Variants in RANBP9 observed in about 807,000 individuals in gnomAD.
RANBP9 encodes RAN binding protein 9.
A neutral mutation model predicts 84.3 loss-of-function variants in RANBP9; 15 were observed. The observed-to-expected ratio is 0.18, with a 90% CI of 0.12 to 0.27. The LOEUF (loss-of-function observed/expected upper bound fraction) is 0.27. Ranked by LOEUF, RANBP9 falls within the 10% of genes least tolerant of loss-of-function variation. RANBP9 has a pLI of 1.00. For synonymous variants in RANBP9, 392 were observed against 349.6 expected (o/e 1.12, Z -1.35); for missense variants, 809 against 912.8 (o/e 0.89, Z 1.46).
chr6:13,677,082 G>A (rs1221805160), intron 2 of RANBP9, among the ~76,000 whole-genome samples: 1 of 152,100 alleles, frequency 6.6e-6, no homozygotes, highest in African/African-American at 2.4e-5. Flanking sequence ...TACTTTTGTA[G>A]CTGAAAAGAT....
intron 10 of RANBP9, among the ~76,000 whole-genome samples, chr6:13,635,868 C>T (rs1764925551): frequency 6.6e-6 from 1 of 150,636 alleles, no homozygotes; most frequent in Non-Finnish European, 1.5e-5. Context: ...TCATTTAACA[C>T]ACATTTAAGA....
At chr6:13,705,603 T>C (rs1382789382) in intron 1 of RANBP9, among the ~76,000 whole-genome samples, 1 of 151,932 alleles carries the variant, frequency 6.6e-6, no homozygotes, top group Non-Finnish European at 1.5e-5. Context: ...GGCTCACGCC[T>C]GTAATCCCAG....
At chr6:13,708,533 C>T (rs1758184844) in intron 1 of RANBP9, among the ~76,000 whole-genome samples, 1 of 152,136 alleles carries the variant, frequency 6.6e-6, no homozygotes, top group South Asian at 2.1e-4. Context: ...TCTCGTCACT[C>T]TGGAAAATAA....
rs964154894 is a variant in RANBP9 at position 13,704,382 on chromosome 6, C to T, written c.571+6553G>A. 3.9e-5 allele frequency among the ~76,000 whole-genome samples: 6 copies of T among 152,262 alleles called. No homozygotes were observed. The East Asian group carries it at 1.2e-3, about 29-fold the overall frequency. ...GTGGCTCCTGCCTGTAATCCTAGCACTTTGGGAGGCTAAGGCAGGCAGATG... is the reference window on the plus strand; with the variant it reads ...GTGGCTCCTGCCTGTAATCCTAGCATTTTGGGAGGCTAAGGCAGGCAGATG... On this transcript the variant is annotated intron_variant, in intron 1 of 13. Transcript: ENST00000011619.
intron 8 of RANBP9, 22 bp from the exon 9 acceptor site, chr6:13,639,775 T>A: frequency 6.4e-7 from 1 of 1,570,578 alleles, no homozygotes; most frequent in Non-Finnish European, 8.7e-7. Context: ...AAGAAAAATT[T>A]ACTTAGACAC....
At chr6:13,707,159 G>C (rs1365927851) in intron 1 of RANBP9, among the ~76,000 whole-genome samples, 1 of 152,046 alleles carries the variant, frequency 6.6e-6, no homozygotes, top group East Asian at 1.9e-4. Flanking sequence ...AAGTGGCTGG[G>C]ATTTCAAGTG....
chr6:13,686,323 T>C (rs1239599845), intron 2 of RANBP9, among the ~76,000 whole-genome samples: 1 of 151,974 alleles, frequency 6.6e-6, no homozygotes, highest in Non-Finnish European at 1.5e-5. Flanking sequence ...TCTGGCTCTG[T>C]TGCCCAAGCT....
At chr6:13,682,157 T>C (rs1010780453) in intron 2 of RANBP9, among the ~76,000 whole-genome samples, 2 of 151,850 alleles carry the variant, frequency 1.3e-5, no homozygotes, top group African/African-American at 4.9e-5. Flanking sequence ...CCACCGCACC[T>C]GGGCCAAGTG....
intron 2 of RANBP9, among the ~76,000 whole-genome samples, chr6:13,673,525 G>A (rs951289211): frequency 3.3e-5 from 5 of 152,134 alleles, no homozygotes; most frequent in Non-Finnish European, 7.3e-5. Flanking sequence ...TGATCACATA[G>A]ATAAGTATTC....
At chr6:13,700,765 C>T (rs920423801) in intron 1 of RANBP9, among the ~76,000 whole-genome samples, 2 of 152,198 alleles carry the variant, frequency 1.3e-5, no homozygotes, top group Admixed American at 1.3e-4. Flanking sequence ...AAAGCTGCAA[C>T]AGACCAAGCC....
chr6:13,663,434 TC>T (rs1439395441), intron 2 of RANBP9, among the ~76,000 whole-genome samples: 3 of 152,288 alleles, frequency 2.0e-5, no homozygotes, highest in African/African-American at 7.2e-5. Flanking sequence ...CTCTTAATTT[TC>T]CTAAAACACG....
intron 12 of RANBP9, among the ~76,000 whole-genome samples, chr6:13,632,118 C>CTTTTTTTTTTTTTTTTTTT (rs752500098): frequency 1.3e-5 from 1 of 74,964 alleles, no homozygotes; most frequent in Non-Finnish European, 2.6e-5. Context: ...GGATTTAATC[C>CTTTTTTTTTTTTTTTTTTT]TTTTTTTTTT....
chr6:13,686,820 CTT>C (rs1428563240), intron 2 of RANBP9, among the ~76,000 whole-genome samples: 5 of 152,192 alleles, frequency 3.3e-5, no homozygotes, highest in Non-Finnish European at 7.3e-5. Context: ...CCTTACCTCT[CTT>C]TGACACACTG....
intron 2 of RANBP9, among the ~76,000 whole-genome samples, chr6:13,688,982 C>CAAAAAA (rs1164073062): frequency 6.7e-5 from 2 of 29,948 alleles, no homozygotes; most frequent in African/African-American, 2.1e-4. Context: ...CCCATCTCCA[C>CAAAAAA]AAAAAAAAAA....
intron 4 of RANBP9, among the ~76,000 whole-genome samples, chr6:13,653,812 G>A (rs1765343711): frequency 6.6e-6 from 1 of 152,010 alleles, no homozygotes; most frequent in Non-Finnish European, 1.5e-5. Flanking sequence ...AATTCATGGT[G>A]GCTTGTTAAA....
rs1247628499 is a variant in RANBP9, at chr6:13,622,356, G to A, written c.*6C>T. 6.4e-7 allele frequency: 1 copy of A among 1,557,452 alleles called. No individual in the cohort carries two copies. Among genetic ancestry groups the A allele is most frequent in the South Asian group, 1.2e-5 (1 of 81,974 alleles). On this transcript the variant is annotated 3_prime_UTR_variant, in exon 14 of 14. Transcript: ENST00000011619. ...CAATATAAGTGTGAGCTCTTGAAAT[G>A]CATAGCTAATGTAGGTAGTCTTCCA...
chr6:13,711,012 A>G lies in RANBP9; in HGVS notation c.494T>C (p.Leu165Pro). ...GTCCTTCGGGCTCCAGGACCGAGGC[A>G]GCGGCGTCTCTTGTTCGTCCACGGC... is the stretch of plus-strand genomic sequence containing the variant. Reference protein sequence around the residue: ...YPAVDEQETPLPRSWSPKDKF... With the variant: ...YPAVDEQETPPPRSWSPKDKF... The change falls in exon 1 of 14, where the codon CTG becomes CCG. Residue 165 changes from leucine (L) to proline (P), a missense_variant. Leu to Pro is a moderately conservative substitution (Grantham distance 98, BLOSUM62 -3). This residue lies in a region of RANBP9 where 302 missense variants were observed against 240.1 expected (regional missense o/e 1.26). Transcript: ENST00000011619. 1 of 1,606,794 alleles carries G rather than the reference A, an allele frequency of 6.2e-7. No homozygotes were observed. The highest frequency in any genetic ancestry group is 8.5e-7 in the Non-Finnish European group (1 of 1,177,094).
rs1207057026 is a variant in RANBP9 at position 13,625,619 on chromosome 6, T to C, written c.2059+34A>G. ...CCCTCTCTTAAATTTTCAGAGAATC[T>C]AACTGAAATTGTGCCTTATTTGGCT... is the stretch of plus-strand genomic sequence containing the variant. On this transcript the variant is annotated intron_variant, in intron 13 of 13. Coordinates refer to ENST00000011619, the MANE Select transcript of RANBP9 (RefSeq NM_005493.3). 5 of 1,463,818 alleles carry C rather than the reference T, an allele frequency of 3.4e-6. No individual in the cohort carries two copies. In the Admixed American group the frequency reaches 8.4e-5, roughly 25 times the overall value. 90.7% of individuals were successfully genotyped at this position (1,463,818 alleles called of 1,614,324 possible). A position where few individuals can be genotyped will look rare whatever the true frequency, so the allele number is the denominator to read the frequency against.
At position 13,642,471 on chromosome 6, in the gene RANBP9, G is replaced by A; in HGVS notation, c.1225+8C>T. On this transcript the variant is annotated splice_region_variant and intron_variant, in intron 7 of 13. Transcript: ENST00000011619. ...ACAAATGTTAGCCATGCACCACAGT[G>A]TCCTTACTTTGTCTATTCTTAATGG... is the stretch of plus-strand genomic sequence containing the variant. The A allele has an allele frequency of 1.3e-6, 2 of 1,512,270 alleles. No individual in the cohort carries two copies. The highest frequency in any genetic ancestry group is 1.8e-5 in the Admixed American group (1 of 55,988). 93.7% of individuals were successfully genotyped at this position (1,512,270 alleles called of 1,614,324 possible).
Sources: allele counts gnomAD v4.1 joint callset (sites outside exome capture counted in the v4.1 genomes callset), GRCh38; gene constraint gnomAD v4.1.1; regional missense constraint gnomAD v4.1.1; transcripts MANE v1.5; gene names NCBI Gene and HGNC (gene_info 2026-07-23, HGNC 2026-07-21).